Variants in FAM221A observed in about 807,000 individuals in gnomAD.
FAM221A encodes the protein protein FAM221A.
A neutral mutation model predicts 37.6 loss-of-function variants in FAM221A; 43 were observed. The observed-to-expected ratio is 1.15, with a 90% CI of 0.90 to 1.48. FAM221A has a LOEUF of 1.48. Among genes scored for constraint, FAM221A ranks in the 40% most tolerant of loss-of-function variants. The probability of loss-of-function intolerance (pLI) is 0.00; values close to 1 mark genes in which losing one functional copy is unlikely to be tolerated. For synonymous variants in FAM221A, 135 were observed against 132.9 expected (o/e 1.02, Z -0.11); for missense variants, 361 against 361.5 (o/e 1.00, Z 0.01).
chr7:23,691,734 A>G, intron 4 of FAM221A, 138 bp downstream of exon 4: 2 of 801,300 alleles, frequency 2.5e-6, no homozygotes, highest in South Asian at 2.1e-5. Context: ...TTATTTTTTA[A>G]AAGAGGTTTT....
intron 1 of FAM221A, among the ~76,000 whole-genome samples, chr7:23,681,483 G>T (rs2128031676): frequency 6.6e-6 from 1 of 151,392 alleles, no homozygotes; most frequent in Non-Finnish European, 1.5e-5. Context: ...GCAGTGGCGC[G>T]ATCTCGGCTC....
Position 23,702,105 on chromosome 7 carries a change from G to A in FAM221A, c.838G>A (p.Glu280Lys), listed in dbSNP as rs775455584. The A allele has an allele frequency of 1.2e-5, 19 of 1,596,874 alleles. 1 individual carries two copies. In the Admixed American group the frequency reaches 1.2e-4, roughly 10 times the overall value. Residue 280 changes from glutamate to lysine, a missense_variant, in exon 7 of 7, where the codon GAA (glutamate) becomes AAA (lysine). Physicochemically the swap from Glu to Lys is moderately conservative, Grantham distance 56 (BLOSUM62 1). Coordinates refer to ENST00000344962, the MANE Select transcript of FAM221A (RefSeq NM_199136.5). ...TATGTTAAATTTACAGATGAAAATG[G>A]AAAAGGCTGCTAAGTGGAAAGGAAA... ...ERRYQERMKM[E>K]KAAKWKGKAP... is the part of the protein sequence containing the mutation.
intron 1 of FAM221A, 34 bp downstream of exon 1, chr7:23,680,317 G>T (rs893363827): frequency 4.7e-5 from 71 of 1,502,116 alleles, no homozygotes; most frequent in Non-Finnish European, 6.4e-5. Context: ...CCCCCCCGCC[G>T]CTCCGAGGGG....
intron 6 of FAM221A, among the ~76,000 whole-genome samples, chr7:23,701,164 T>C (rs1785402658): frequency 1.3e-5 from 2 of 151,772 alleles, no homozygotes; most frequent in South Asian, 4.1e-4. Flanking sequence ...TCTTGAATTC[T>C]TTTTTTATAC....
chr7:23,680,208 C>T lies in FAM221A; in HGVS notation c.-11C>T. On this transcript the variant is annotated 5_prime_UTR_variant, in exon 1 of 7. Transcript: ENST00000344962. ...TGGTCCGCAGGGAAGCCTTTGGCTT[C>T]CCCACCGGCAATGGAGCGGTTGACG... 1.9e-6 allele frequency: 3 copies of T among 1,548,762 alleles called. No individual in the cohort carries two copies. Among genetic ancestry groups the T allele is most frequent in the Admixed American group, 2.0e-5 (1 of 50,950 alleles).
intron 3 of FAM221A, among the ~76,000 whole-genome samples, chr7:23,690,655 G>T (rs113573611): frequency 0.014 from 2,182 of 152,226 alleles, 39 homozygotes; most frequent in African/African-American, 0.049. Context: ...TTTAAAATGT[G>T]CAGTTTAATG....
intron 4 of FAM221A, chr7:23,692,467 G>A (rs140824643): frequency 0.011 from 2,296 of 204,164 alleles, 44 homozygotes; most frequent in African/African-American, 0.05. Flanking sequence ...TCAGCCTCCC[G>A]ACTAGCTGGG....
At chr7:23,699,492 C>T (rs1055435742) in intron 5 of FAM221A, among the ~76,000 whole-genome samples, 1 of 146,910 alleles carries the variant, frequency 6.8e-6, no homozygotes, top group African/African-American at 2.5e-5. Flanking sequence ...TTTTTTTCAG[C>T]AAATACAGCA....
At chr7:23,690,442 T>G (rs1250347194) in intron 3 of FAM221A, among the ~76,000 whole-genome samples, 1 of 151,872 alleles carries the variant, frequency 6.6e-6, no homozygotes, top group East Asian at 1.9e-4. Context: ...TGACCTCAAG[T>G]GATCTGCCCA....
chr7:23,689,592 C>A (rs370705342), intron 3 of FAM221A, 133 bp downstream of exon 3: 2 of 605,782 alleles, frequency 3.3e-6, no homozygotes, highest in Non-Finnish European at 5.1e-6. Context: ...TCAGTTATGG[C>A]GTTAATATTA....
At chr7:23,700,945 T>C (rs1318364595) in intron 6 of FAM221A, 77 bp downstream of exon 6, 1 of 938,174 alleles carries the variant, frequency 1.1e-6, no homozygotes, top group Non-Finnish European at 1.6e-6. Flanking sequence ...ACATTGAATG[T>C]GGAACATCCT....
At chr7:23,681,193 G>A (rs967113099) in intron 1 of FAM221A, among the ~76,000 whole-genome samples, 2 of 152,154 alleles carry the variant, frequency 1.3e-5, no homozygotes, top group African/African-American at 4.8e-5. Flanking sequence ...CCCACGCCCG[G>A]TTCAGGGTCA....
At chr7:23,682,477 G>C (rs1201883675) in intron 1 of FAM221A, among the ~76,000 whole-genome samples, 1 of 149,502 alleles carries the variant, frequency 6.7e-6, no homozygotes, top group Admixed American at 6.7e-5. Flanking sequence ...TGCTGCCCAG[G>C]CTGGAGTGCA....
chr7:23,696,110 CACCTAGCT>C (rs1785043732), intron 4 of FAM221A, among the ~76,000 whole-genome samples: 1 of 152,224 alleles, frequency 6.6e-6, no homozygotes, highest in African/African-American at 2.4e-5. Context: ...GCATACTACA[CACCTAGCT>C]ACATGGTATA....
intron 4 of FAM221A, among the ~76,000 whole-genome samples, chr7:23,691,944 A>G (rs1040818371): frequency 1.5e-4 from 23 of 152,128 alleles, no homozygotes; most frequent in African/African-American, 4.1e-4. Context: ...ATTTTATTTG[A>G]TATGATATAG....
intron 2 of FAM221A, among the ~76,000 whole-genome samples, chr7:23,685,050 C>T (rs949298537): frequency 6.6e-6 from 1 of 152,130 alleles, no homozygotes; most frequent in Non-Finnish European, 1.5e-5. Context: ...GAGTTTGAGA[C>T]CAGTCTGGCC....
chr7:23,700,466 T>C (rs924631706), intron 5 of FAM221A, among the ~76,000 whole-genome samples: 1 of 152,240 alleles, frequency 6.6e-6, no homozygotes, highest in Non-Finnish European at 1.5e-5. Flanking sequence ...TATCTCAAAG[T>C]GTAACATGGA....
Position 23,698,255 on chromosome 7 carries a change from C to G in FAM221A, c.701C>G (p.Ala234Gly), listed in dbSNP as rs750199547. The G allele has an allele frequency of 6.3e-7, 1 of 1,595,402 alleles. No homozygotes were observed. The highest frequency in any genetic ancestry group is 8.5e-7 in the Non-Finnish European group (1 of 1,170,858). The change falls in exon 5 of 7, where the codon GCA (alanine) becomes GGA (glycine). Residue 234 changes from alanine (A) to glycine (G), a missense_variant. Transcript: ENST00000344962. ...GCAGTAGACAGCCCATTCCTAAAAG[C>G]ATTTCAAGCATCATCTAGTTCTTCT... is the stretch of plus-strand genomic sequence containing the variant. ...ITAVDSPFLK[A>G]FQASSSSSPE...
chr7:23,691,684 A>G (rs1210592460), intron 4 of FAM221A, 88 bp downstream of exon 4: 8 of 1,141,446 alleles, frequency 7.0e-6, no homozygotes, highest in Non-Finnish European at 1.0e-5. Flanking sequence ...TAAGCAATTT[A>G]TAGTATTTTT....
Sources: allele counts gnomAD v4.1 joint callset (sites outside exome capture counted in the v4.1 genomes callset), GRCh38; gene constraint gnomAD v4.1.1; transcripts MANE v1.5; gene names NCBI Gene and HGNC (gene_info 2026-07-23, HGNC 2026-07-21).